FRRS1: variants seen among roughly 807,000 people sequenced by gnomAD.
The protein encoded by FRRS1 is ferric chelate reductase 1.
FRRS1 carries 51 observed loss-of-function variants against 70.7 expected under a neutral mutation model. That is an observed-to-expected ratio of 0.72 (90% CI 0.58 to 0.91). The LOEUF (loss-of-function observed/expected upper bound fraction) is 0.91. Ranked by LOEUF, FRRS1 falls within the 40% of genes least tolerant of loss-of-function variation. The pLI is 0.00. For synonymous variants in FRRS1, 225 were observed against 238.7 expected (o/e 0.94, Z 0.53); for missense variants, 672 against 726.0 (o/e 0.93, Z 0.86).
chr1:99,764,066 T>A (rs180959647), intron 1 of FRRS1, among the ~76,000 whole-genome samples: 21 of 152,200 alleles, frequency 1.4e-4, no homozygotes, highest in Admixed American at 9.8e-4. Context: ...AACAAATACA[T>A]CAGCTAATAA....
chr1:99,758,039 G>A (rs184149882), intron 1 of FRRS1, among the ~76,000 whole-genome samples: 100 of 152,182 alleles, frequency 6.6e-4, no homozygotes, highest in African/African-American at 2.4e-3. Context: ...ATCTAAAGGG[G>A]AAAAGTGGGC....
At position 99,728,511 on chromosome 1, in the gene FRRS1, C is replaced by T. The variant is rs201815916; in HGVS notation, c.988G>A (p.Asp330Asn). ...LNTSYYIFLA[D>N]GAANDGRIYK... is the part of the protein sequence containing the mutation. ...TACTTACCATCATTAGCTGCACCAT[C>T]TGCTAGAAATATGTAATAGCTTGTG... The change falls in exon 9 of 17, where the codon GAT becomes AAT. Residue 330 changes from aspartate to asparagine, a missense_variant. Transcript: ENST00000646001. The T allele has an allele frequency of 6.2e-6, 10 of 1,612,122 alleles. No homozygotes were observed. Among genetic ancestry groups the T allele is most frequent in the African/African-American group, 1.3e-5 (1 of 74,872 alleles).
chr1:99,705,748 G>T lies in FRRS1; in HGVS notation c.*3280C>A, dbSNP rs1337255375. Among the ~76,000 whole-genome samples the T allele has an allele frequency of 1.3e-5, 2 of 152,172 alleles. No individual in the cohort carries two copies. Among genetic ancestry groups the T allele is most frequent in the African/African-American group, 4.8e-5 (2 of 41,426 alleles). On this transcript the variant is annotated 3_prime_UTR_variant, in exon 17 of 17. Transcript: ENST00000646001. ...TTAAGATTGATTTCTGCAGACCAGA[G>T]AATTTTTTTATTGCCTCAGCTATTA...
intron 7 of FRRS1, among the ~76,000 whole-genome samples, chr1:99,732,305 A>C (rs1655431012): frequency 6.6e-6 from 1 of 152,156 alleles, no homozygotes; most frequent in East Asian, 1.9e-4. Flanking sequence ...GTTGTACTGA[A>C]GCTCTCTCCC....
intron 6 of FRRS1, among the ~76,000 whole-genome samples, chr1:99,739,733 A>G (rs1315852527): frequency 6.6e-6 from 1 of 152,258 alleles, no homozygotes; most frequent in African/African-American, 2.4e-5. Flanking sequence ...CAGTGATACT[A>G]AGAGCTAAAT....
At chr1:99,744,709 C>G (rs60360072) in intron 4 of FRRS1, among the ~76,000 whole-genome samples, 74,637 of 151,466 alleles carry the variant, frequency 0.49, 22,330 homozygotes, top group African/African-American at 0.85. Flanking sequence ...TCGCTTGAAC[C>G]CAGGAGGCGG....
At chr1:99,721,885 C>T (rs1453499809) in intron 9 of FRRS1, among the ~76,000 whole-genome samples, 1 of 152,102 alleles carries the variant, frequency 6.6e-6, no homozygotes, top group African/African-American at 2.4e-5. Flanking sequence ...GAGTGAGCAA[C>T]CACGCCCGGT....
intron 4 of FRRS1, among the ~76,000 whole-genome samples, chr1:99,746,637 G>T (rs1163745115): frequency 1.3e-5 from 2 of 152,176 alleles, no homozygotes; most frequent in Non-Finnish European, 2.9e-5. Context: ...AGATGACGAT[G>T]AGGACTATGG....
chr1:99,719,407 CAAAA>C (rs71854810), intron 10 of FRRS1, 123 bp downstream of exon 10: 862 of 388,142 alleles, frequency 2.2e-3, no homozygotes, highest in East Asian at 2.8e-3. Flanking sequence ...GACTCCATCT[CAAAA>C]AAAAAAAAAA....
intron 1 of FRRS1, among the ~76,000 whole-genome samples, chr1:99,758,220 T>C (rs776913302): frequency 1.3e-5 from 2 of 152,264 alleles, no homozygotes; most frequent in Non-Finnish European, 2.9e-5. Context: ...TGTAGCTCTC[T>C]GCTTTGAAAC....
rs866334457 is a variant in FRRS1 at position 99,741,626 on chromosome 1, T to C, written c.428+553A>G. Among the ~76,000 whole-genome samples, 4 of 152,358 alleles carry C rather than the reference T, an allele frequency of 2.6e-5. No homozygotes were observed. The Middle Eastern group carries it at 0.01, about 389-fold the overall frequency. On this transcript the variant is annotated intron_variant, in intron 5 of 16. Coordinates refer to ENST00000646001, the MANE Select transcript of FRRS1 (RefSeq NM_001361041.2). ...TAATTTGAGAGGCATGCAGTCTTTC[T>C]GAGAGTCTAATCTGCAAGTTGTAAT...
chr1:99,717,382 T>G lies in FRRS1; in HGVS notation c.1236+28A>C, dbSNP rs756977197. ...TTGCAATGTTCAAATACTATGAATA[T>G]TGCATTGAACTTTTTTCCCTCACCT... On this transcript the variant is annotated intron_variant, in intron 11 of 16. Transcript: ENST00000646001. The G allele has an allele frequency of 1.0e-5, 13 of 1,294,936 alleles. No individual in the cohort carries two copies. In the Middle Eastern group the frequency reaches 5.5e-4, roughly 54 times the overall value. The allele number at this position is 1,294,936 out of a possible 1,614,324, so 80.2% of individuals were successfully genotyped here. A position where few individuals can be genotyped will look rare whatever the true frequency, so the allele number is the denominator to read the frequency against.
chr1:99,742,712 C>G (rs1212387023), intron 4 of FRRS1, among the ~76,000 whole-genome samples: 1 of 152,184 alleles, frequency 6.6e-6, no homozygotes, highest in African/African-American at 2.4e-5. Context: ...CACTTTCATG[C>G]ACCTGGCCAA....
chr1:99,723,555 T>C (rs1654939521), intron 9 of FRRS1, among the ~76,000 whole-genome samples: 1 of 152,028 alleles, frequency 6.6e-6, no homozygotes. Flanking sequence ...CTAAAGTTTA[T>C]CTAGAAGAAC....
chr1:99,757,723 T>C (rs954822977), intron 1 of FRRS1, among the ~76,000 whole-genome samples: 1 of 152,182 alleles, frequency 6.6e-6, no homozygotes. Context: ...CTAAATATTG[T>C]TTTCATTTTA....
At position 99,709,084 on chromosome 1, in the gene FRRS1, C is replaced by G; in HGVS notation, c.1723G>C (p.Val575Leu). ...ATGAGAAAAGTAACATTCCCACAGA[C>G]ATAAATTGCCAACACTGCCTTTTTA... ...AFKKAVLAIYVCGNVTFLIIF... is the reference protein window; with the variant it reads ...AFKKAVLAIYLCGNVTFLIIF... Residue 575 changes from valine to leucine, a missense_variant, in exon 17 of 17, where the codon GTC becomes CTC. Val to Leu is a conservative substitution (Grantham distance 32). Coordinates refer to ENST00000646001, the MANE Select transcript of FRRS1 (RefSeq NM_001361041.2). 1 of 1,613,392 alleles carries G rather than the reference C, an allele frequency of 6.2e-7. No individual in the cohort carries two copies. The highest frequency in any genetic ancestry group is 8.5e-7 in the Non-Finnish European group (1 of 1,179,796).
intron 1 of FRRS1, among the ~76,000 whole-genome samples, chr1:99,762,030 A>G (rs1357622950): frequency 6.6e-6 from 1 of 152,222 alleles, no homozygotes; most frequent in Non-Finnish European, 1.5e-5. Flanking sequence ...AAAGTTACAG[A>G]AAATGAGAGG....
intron 1 of FRRS1, among the ~76,000 whole-genome samples, chr1:99,749,594 A>G (rs1024823155): frequency 7.2e-5 from 11 of 152,192 alleles, no homozygotes; most frequent in African/African-American, 2.4e-4. Context: ...TTAATTTGCA[A>G]TACTGAAAAC....
At chr1:99,711,040 T>C in intron 14 of FRRS1, 91 bp from the exon 15 acceptor site, 1 of 1,069,922 alleles carries the variant, frequency 9.3e-7, no homozygotes, top group East Asian at 2.6e-5. Context: ...AAGTAAAACA[T>C]ACTAAAAGAG....
Sources: allele counts gnomAD v4.1 joint callset (sites outside exome capture counted in the v4.1 genomes callset), GRCh38; gene constraint gnomAD v4.1.1; transcripts MANE v1.5; gene names NCBI Gene and HGNC (gene_info 2026-07-23, HGNC 2026-07-21).